Variants in SLAMF1 observed in about 807,000 individuals in gnomAD.
The protein encoded by SLAMF1 is signaling lymphocytic activation molecule family member 1.
In SLAMF1, 18 loss-of-function variants were observed where a neutral mutation model predicts 35.1. The ratio of observed to expected loss-of-function variants is 0.51; its 90% CI spans 0.35 to 0.76. The LOEUF (loss-of-function observed/expected upper bound fraction) is 0.76, where lower values mean the gene tolerates loss of function less well. Ranked by LOEUF, SLAMF1 falls within the 30% of genes least tolerant of loss-of-function variation. SLAMF1 has a pLI of 0.01. For synonymous variants in SLAMF1, 168 were observed against 157.2 expected (o/e 1.07, Z -0.51); for missense variants, 392 against 413.0 (o/e 0.95, Z 0.44).
chr1:160,622,393 A>G (rs1659663786), intron 4 of SLAMF1, among the ~76,000 whole-genome samples: 1 of 152,194 alleles, frequency 6.6e-6, no homozygotes, highest in South Asian at 2.1e-4. Context: ...TAGAGTATCT[A>G]ATATCCTTTT....
At chr1:160,623,560 G>T in intron 4 of SLAMF1, 1 of 399,008 alleles carries the variant, frequency 2.5e-6, no homozygotes. Context: ...TTTGACTCCA[G>T]TATTGGTTGG....
In SLAMF1 at chr1:160,635,536, G is replaced by A. The variant is rs530000953; in HGVS notation, c.416-639C>T. The stretch of plus-strand genomic sequence containing the variant: ...TCTTGCTTATTTAGCAACTATTATA[G>A]GACAAGCACAGTGCTGGTGTTTCAC... On this transcript the variant is annotated intron_variant, in intron 2 of 6. Transcript: ENST00000302035. Among the ~76,000 whole-genome samples, 100 of 151,796 alleles carry A rather than the reference G, an allele frequency of 6.6e-4. 2 individuals are homozygous for A. The highest frequency in any genetic ancestry group is 1.3e-3 in the Non-Finnish European group (86 of 67,946).
chr1:160,618,403 A>AGTGT (rs149042392), intron 5 of SLAMF1, among the ~76,000 whole-genome samples: 2,931 of 149,732 alleles, frequency 0.02, 96 homozygotes, highest in African/African-American at 0.066. Context: ...TGTGAGAGTG[A>AGTGT]GTGTGTGTGT....
rs902574059 is a variant in SLAMF1 at position 160,629,864 on chromosome 1, C to G, written c.700+4749G>C. 2.0e-5 allele frequency among the ~76,000 whole-genome samples: 3 copies of G among 152,142 alleles called. No homozygotes were observed. The East Asian group carries it at 5.8e-4, about 29-fold the overall frequency. Reference sequence around the variant, plus strand: ...CTTTCCACCATTGTTTTTACGCTCGCTAAATTGGGAAGACCCTAGAGAGAG... The same window carrying G: ...CTTTCCACCATTGTTTTTACGCTCGGTAAATTGGGAAGACCCTAGAGAGAG... On this transcript the variant is annotated intron_variant, in intron 3 of 6. Coordinates refer to ENST00000302035, the MANE Select transcript of SLAMF1 (RefSeq NM_003037.5).
intron 5 of SLAMF1, among the ~76,000 whole-genome samples, chr1:160,613,161 C>G (rs1404802578): frequency 1.3e-5 from 2 of 152,230 alleles, no homozygotes; most frequent in African/African-American, 4.8e-5. Flanking sequence ...CTGCCTTAAG[C>G]TCTTTTAACT....
intron 2 of SLAMF1, among the ~76,000 whole-genome samples, chr1:160,635,137 A>G (rs74448132): frequency 0.022 from 3,376 of 152,294 alleles, 129 homozygotes; most frequent in African/African-American, 0.077. Flanking sequence ...TTCTACCAAT[A>G]TTGTTAGGGC....
In SLAMF1 at chr1:160,634,650, G is replaced by A. The variant is rs1660333660; in HGVS notation, c.663C>T (p.Thr221=). The A allele has an allele frequency of 6.2e-7, 1 of 1,613,706 alleles. No individual in the cohort carries two copies. Reference sequence around the variant, plus strand: ...TCCTGCATCCGGGCCACGGGCTGAAGGTCTGGGAATTGTTGCTGATAGGGT... The same window carrying A: ...TCCTGCATCCGGGCCACGGGCTGAAAGTCTGGGAATTGTTGCTGATAGGGT... ...VSNPISNNSQ[T]FSPWPGCRTD... Residue 221 remains threonine, a synonymous_variant, in exon 3 of 7, where the codon ACC becomes ACT. Transcript: ENST00000302035.
At chr1:160,632,012 C>T (rs1180129651) in intron 3 of SLAMF1, among the ~76,000 whole-genome samples, 2 of 151,896 alleles carry the variant, frequency 1.3e-5, no homozygotes, top group Non-Finnish European at 2.9e-5. Context: ...CAGCCATTTA[C>T]AAGCCAGGGA....
At chr1:160,643,904 A>AG (rs1304113508) in intron 1 of SLAMF1, among the ~76,000 whole-genome samples, 1 of 152,242 alleles carries the variant, frequency 6.6e-6, no homozygotes, top group Non-Finnish European at 1.5e-5. Flanking sequence ...GGTTGCCTCC[A>AG]GCATGAGGTA....
intron 1 of SLAMF1, among the ~76,000 whole-genome samples, chr1:160,639,211 C>T (rs1488344217): frequency 2.0e-5 from 3 of 152,200 alleles, no homozygotes; most frequent in Non-Finnish European, 2.9e-5. Flanking sequence ...CTTTCTTTCT[C>T]GCATACTCCA....
intron 4 of SLAMF1, 23 bp from the exon 5 acceptor site, chr1:160,619,872 G>T (rs767513275): frequency 6.6e-7 from 1 of 1,525,404 alleles, no homozygotes; most frequent in Non-Finnish European, 9.1e-7. Context: ...AACCATAATG[G>T]TTATCTCCCT....
chr1:160,634,098 T>C (rs1257324512), intron 3 of SLAMF1, among the ~76,000 whole-genome samples: 2 of 152,266 alleles, frequency 1.3e-5, no homozygotes, highest in East Asian at 3.8e-4. Context: ...AACGAGGACC[T>C]TCACTATATC....
intron 1 of SLAMF1, among the ~76,000 whole-genome samples, chr1:160,644,122 A>G (rs764966569): frequency 6.6e-6 from 1 of 152,230 alleles, no homozygotes; most frequent in Non-Finnish European, 1.5e-5. Flanking sequence ...TGTGATTTTT[A>G]TCAGTCTCTC....
At chr1:160,632,648 G>A (rs1279143138) in intron 3 of SLAMF1, among the ~76,000 whole-genome samples, 1 of 152,058 alleles carries the variant, frequency 6.6e-6, no homozygotes, top group African/African-American at 2.4e-5. Flanking sequence ...TTTTGGGTTA[G>A]GCCAGGGTAA....
chr1:160,620,211 A>G (rs16832281), intron 4 of SLAMF1, among the ~76,000 whole-genome samples: 2,893 of 152,224 alleles, frequency 0.019, 106 homozygotes, highest in African/African-American at 0.066. Context: ...CTGTTGCTCA[A>G]TGTGCATATC....
intron 1 of SLAMF1, among the ~76,000 whole-genome samples, chr1:160,644,279 T>C (rs1029526440): frequency 6.6e-6 from 1 of 152,188 alleles, no homozygotes; most frequent in African/African-American, 2.4e-5. Context: ...AACATAGGCT[T>C]GTCCAGTTTT....
chr1:160,610,659 C>A lies in SLAMF1; in HGVS notation c.*89G>T. The A allele has an allele frequency of 1.1e-6, 1 of 883,154 alleles. No homozygotes were observed. Among genetic ancestry groups the A allele is most frequent in the Non-Finnish European group, 1.9e-6 (1 of 519,638 alleles). 54.7% of individuals were successfully genotyped at this position (883,154 alleles called of 1,614,324 possible). On this transcript the variant is annotated 3_prime_UTR_variant, in exon 7 of 7. Transcript: ENST00000302035. ...GGGTACAGACGTGCAGCATGTCTGCCAGAGGAAACTTGGGGCCTGTGGCCA... is the reference window on the plus strand; with the variant it reads ...GGGTACAGACGTGCAGCATGTCTGCAAGAGGAAACTTGGGGCCTGTGGCCA...
At position 160,642,560 on chromosome 1, in the gene SLAMF1, G is replaced by A. The variant is rs1443600256; in HGVS notation, c.76+4310C>T. Among the ~76,000 whole-genome samples, 1 of 152,166 alleles carries A rather than the reference G, an allele frequency of 6.6e-6. No individual in the cohort carries two copies. Among genetic ancestry groups the A allele is most frequent in the African/African-American group, 2.4e-5 (1 of 41,432 alleles). On this transcript the variant is annotated intron_variant, in intron 1 of 6. Coordinates refer to ENST00000302035, the MANE Select transcript of SLAMF1 (RefSeq NM_003037.5). This position sits in a 1 kb window ranked among gnomAD's most constrained non-coding sequence, Gnocchi z 4.2. The stretch of plus-strand genomic sequence containing the variant: ...ACTACAGTATCCCTAACACCCACCT[G>A]GGACATAGTAGGAGCTCAGTAAATC...
intron 3 of SLAMF1, among the ~76,000 whole-genome samples, chr1:160,627,325 G>C (rs1659935224): frequency 6.6e-6 from 1 of 152,190 alleles, no homozygotes; most frequent in Non-Finnish European, 1.5e-5. Context: ...CCAAATAGTT[G>C]CTAGGTTCTA....
Sources: allele counts gnomAD v4.1 joint callset (sites outside exome capture counted in the v4.1 genomes callset), GRCh38; gene constraint gnomAD v4.1.1; non-coding constraint Gnocchi (gnomAD v3.1); transcripts MANE v1.5; gene names NCBI Gene and HGNC (gene_info 2026-07-23, HGNC 2026-07-21).